Variants in VSNL1 observed in about 807,000 individuals in gnomAD.
The protein encoded by VSNL1 is visinin like 1, also known as visinin-like protein 1.
VSNL1 carries 6 observed loss-of-function variants against 20.4 expected under a neutral mutation model. The ratio of observed to expected loss-of-function variants is 0.29; its 90% CI spans 0.16 to 0.58. The LOEUF is 0.58. VSNL1 is among the 20% of genes least tolerant of loss of function. The probability of loss-of-function intolerance (pLI) is 0.90; values close to 1 mark genes in which losing one functional copy is unlikely to be tolerated. For synonymous variants in VSNL1, 93 were observed against 86.4 expected, an observed-to-expected ratio of 1.08 and a Z score of -0.42; for missense variants, 100 against 234.5, an observed-to-expected ratio of 0.43 and a Z score of 3.75.
chr2:17,600,767 A>T (rs1004343955), intron 2 of VSNL1, among the ~76,000 whole-genome samples: 8 of 152,228 alleles, frequency 5.3e-5, no homozygotes, highest in Non-Finnish European at 1.2e-4. Context: ...ATGTATTTCC[A>T]CTTGGAATGT....
At chr2:17,557,290 C>G (rs1320265068) in intron 1 of VSNL1, among the ~76,000 whole-genome samples, 3 of 152,120 alleles carry the variant, frequency 2.0e-5, no homozygotes, top group Admixed American at 2.0e-4. Flanking sequence ...CACTATGTAG[C>G]TTTTGTATGA....
At chr2:17,643,731 G>GTTCC (rs1665932569) in intron 2 of VSNL1, among the ~76,000 whole-genome samples, 1 of 152,216 alleles carries the variant, frequency 6.6e-6, no homozygotes, top group Non-Finnish European at 1.5e-5. Context: ...ATGCATGTGT[G>GTTCC]TAACAGGGGT....
chr2:17,613,552 C>G (rs774027729), intron 2 of VSNL1, among the ~76,000 whole-genome samples: 1 of 152,182 alleles, frequency 6.6e-6, no homozygotes, highest in Non-Finnish European at 1.5e-5. Flanking sequence ...TTCCTCATCA[C>G]AAAAGATGTA....
intron 1 of VSNL1, chr2:17,567,649 C>T (rs528610937): frequency 1.3e-5 from 2 of 152,280 alleles, no homozygotes; most frequent in Non-Finnish European, 2.9e-5. Flanking sequence ...CGTGAGCCAC[C>T]ATGACCGGCC....
At chr2:17,552,178 C>T (rs940707709) in intron 1 of VSNL1, among the ~76,000 whole-genome samples, 6 of 136,284 alleles carry the variant, frequency 4.4e-5, no homozygotes, top group African/African-American at 7.9e-5. Context: ...CCAGCCTGGG[C>T]GACAGAGCGA....
chr2:17,649,761 T>A lies in VSNL1; in HGVS notation c.378+136T>A. On this transcript the variant is annotated intron_variant, in intron 3 of 3. Coordinates refer to ENST00000295156, the MANE Select transcript of VSNL1 (RefSeq NM_003385.5). This position sits in a 1 kb window ranked among gnomAD's most constrained non-coding sequence, Gnocchi z 6.4. The stretch of plus-strand genomic sequence containing the variant: ...CTGCACACCACGCCTGGACTTCTCC[T>A]GCTTCTGTCCCCGCTGCAGCACAGT... 1.2e-6 allele frequency: 1 copy of A among 829,038 alleles called. No individual in the cohort carries two copies. Among genetic ancestry groups the A allele is most frequent in the Non-Finnish European group, 1.9e-6 (1 of 526,618 alleles). 51.4% of individuals were successfully genotyped at this position (829,038 alleles called of 1,614,324 possible).
At chr2:17,617,221 C>T (rs947093169) in intron 2 of VSNL1, among the ~76,000 whole-genome samples, 8 of 152,136 alleles carry the variant, frequency 5.3e-5, no homozygotes, top group Non-Finnish European at 8.8e-5. Flanking sequence ...AGGTCCCAGG[C>T]GAGGTGGCTC....
intron 2 of VSNL1, among the ~76,000 whole-genome samples, chr2:17,605,324 C>A (rs1008551554): frequency 6.6e-5 from 10 of 152,200 alleles, no homozygotes; most frequent in African/African-American, 2.4e-4. Context: ...GTCTTGGCCT[C>A]CAATCCATGT....
chr2:17,566,577 C>A (rs1224831851), intron 1 of VSNL1, among the ~76,000 whole-genome samples: 1 of 152,014 alleles, frequency 6.6e-6, no homozygotes, highest in Non-Finnish European at 1.5e-5. Flanking sequence ...TTTTTCTTAT[C>A]CATCATTTGG....
chr2:17,577,718 G>A, intron 1 of VSNL1, among the ~76,000 whole-genome samples: 1 of 152,168 alleles, frequency 6.6e-6, no homozygotes, highest in Non-Finnish European at 1.5e-5. Flanking sequence ...AAGCCTCAGG[G>A]GACCCCAGAG....
intron 1 of VSNL1, among the ~76,000 whole-genome samples, chr2:17,566,556 G>T (rs1488194402): frequency 6.6e-6 from 1 of 151,792 alleles, no homozygotes; most frequent in East Asian, 1.9e-4. Flanking sequence ...TTTTTAATAG[G>T]ATTGTTTGTC....
intron 1 of VSNL1, among the ~76,000 whole-genome samples, chr2:17,562,660 C>A (rs1438494795): frequency 6.6e-6 from 1 of 152,060 alleles, no homozygotes; most frequent in Non-Finnish European, 1.5e-5. Flanking sequence ...CTCTAAACGT[C>A]GTGATTAAAA....
rs375014326 is a variant in VSNL1, at chr2:17,573,734, G to A, written c.-5-18336G>A. Among the ~76,000 whole-genome samples, 27 of 152,292 alleles carry A rather than the reference G, an allele frequency of 1.8e-4. No individual in the cohort carries two copies. In the East Asian group the frequency reaches 5.2e-3, roughly 29 times the overall value. The stretch of plus-strand genomic sequence containing the variant: ...CTTCTGACACCTACTTGGTGTTTTT[G>A]TTGATTGACTTTGGGTAAAAGTGGC... On this transcript the variant is annotated intron_variant, in intron 1 of 3. Coordinates refer to ENST00000295156, the MANE Select transcript of VSNL1 (RefSeq NM_003385.5).
chr2:17,599,589 T>C (rs1664782782), intron 2 of VSNL1, among the ~76,000 whole-genome samples: 1 of 152,218 alleles, frequency 6.6e-6, no homozygotes, highest in South Asian at 2.1e-4. Context: ...CTCCCTTGTT[T>C]CTCACTCCCT....
At chr2:17,622,195 A>T (rs563844971) in intron 2 of VSNL1, among the ~76,000 whole-genome samples, 142 of 149,468 alleles carry the variant, frequency 9.5e-4, no homozygotes, top group African/African-American at 3.3e-3. Context: ...GAACATAAAA[A>T]TCTTCAGACT....
At chr2:17,569,535 C>G (rs917060608) in intron 1 of VSNL1, among the ~76,000 whole-genome samples, 2 of 151,848 alleles carry the variant, frequency 1.3e-5, no homozygotes, top group African/African-American at 2.4e-5. Flanking sequence ...TTATTAGAAG[C>G]TATTAATTGG....
At chr2:17,554,289 C>A (rs573688549) in intron 1 of VSNL1, among the ~76,000 whole-genome samples, 171 of 150,058 alleles carry the variant, frequency 1.1e-3, no homozygotes, top group African/African-American at 3.7e-3. Context: ...AGAGGGAAGG[C>A]TAAAAATCTA....
At chr2:17,575,638 C>T (rs748109727) in intron 1 of VSNL1, among the ~76,000 whole-genome samples, 18 of 151,998 alleles carry the variant, frequency 1.2e-4, no homozygotes, top group Non-Finnish European at 2.4e-4. Flanking sequence ...CAGGTTCAAG[C>T]GATTCTCCTG....
intron 3 of VSNL1, among the ~76,000 whole-genome samples, chr2:17,650,553 C>A (rs1443537615): frequency 6.6e-6 from 1 of 152,238 alleles, no homozygotes; most frequent in Non-Finnish European, 1.5e-5. Context: ...ACCAGCCACT[C>A]TGACCAAGGA....
Sources: allele counts gnomAD v4.1 joint callset (sites outside exome capture counted in the v4.1 genomes callset), GRCh38; gene constraint gnomAD v4.1.1; non-coding constraint Gnocchi (gnomAD v3.1); transcripts MANE v1.5; gene names NCBI Gene and HGNC (gene_info 2026-07-23, HGNC 2026-07-21).